SYT17: variants seen among roughly 807,000 people sequenced by gnomAD.
The protein encoded by SYT17 is synaptotagmin-17.
In SYT17, 22 loss-of-function variants were observed where a neutral mutation model predicts 46.7. That is an observed-to-expected ratio of 0.47 (90% CI 0.34 to 0.67). The LOEUF is 0.67. SYT17 is among the 30% of genes least tolerant of loss of function. The probability of loss-of-function intolerance (pLI) is 0.01; values close to 1 mark genes in which losing one functional copy is unlikely to be tolerated. For synonymous variants in SYT17, 251 were observed against 248.4 expected (o/e 1.01, Z -0.10); for missense variants, 519 against 612.8 (o/e 0.85, Z 1.62).
chr16:19,174,559 C>T (rs1427345856), intron 3 of SYT17, among the ~76,000 whole-genome samples: 2 of 152,132 alleles, frequency 1.3e-5, no homozygotes, highest in African/African-American at 4.8e-5. Context: ...ATGCCTCAGG[C>T]CTCTCATTTT....
intron 5 of SYT17, among the ~76,000 whole-genome samples, chr16:19,222,095 G>A (rs1303620961): frequency 1.3e-5 from 2 of 152,284 alleles, no homozygotes; most frequent in Admixed American, 6.5e-5. Flanking sequence ...AGTTAAAGAT[G>A]CATTCTGAAG....
chr16:19,220,303 C>CTTTCTTTTTTTTTTTTTTTTTT (rs776097400), intron 5 of SYT17, among the ~76,000 whole-genome samples: 3 of 80,498 alleles, frequency 3.7e-5, no homozygotes, highest in Non-Finnish European at 6.7e-5. Context: ...TTCTTTCTTT[C>CTTTCTTTTTTTTTTTTTTTTTT]TTTTTTTTTT....
intron 3 of SYT17, among the ~76,000 whole-genome samples, chr16:19,178,240 G>A (rs1443571241): frequency 2.2e-5 from 3 of 136,946 alleles, no homozygotes; most frequent in East Asian, 1.9e-4. Context: ...CCGCCACCAC[G>A]CCCGGCTAAT....
Position 19,183,554 on chromosome 16 carries a change from C to T in SYT17, c.358C>T (p.Pro120Ser). 6.2e-7 allele frequency: 1 copy of T among 1,614,220 alleles called. No homozygotes were observed. Among genetic ancestry groups the T allele is most frequent in the Non-Finnish European group, 8.5e-7 (1 of 1,180,044 alleles). ...SSLESRRPSS[P>S]LIDIKPIEFG... is the part of the protein sequence containing the mutation. ...TCTTGAGTCAAGACGTCCCAGCTCT[C>T]CACTCATCGATATTAAACCCATCGA... The change falls in exon 5 of 8, where the codon CCA becomes TCA. Residue 120 changes from proline to serine, a missense_variant. Physicochemically the swap from Pro to Ser is moderately conservative, Grantham distance 74. Transcript: ENST00000355377. This position sits in a 1 kb window ranked among gnomAD's most constrained non-coding sequence, Gnocchi z 5.6.
chr16:19,228,879 G>A (rs1191721802), intron 7 of SYT17, among the ~76,000 whole-genome samples: 1 of 152,208 alleles, frequency 6.6e-6, no homozygotes, highest in Non-Finnish European at 1.5e-5. Flanking sequence ...CAAAAGTAAG[G>A]TTGGTCTGCA....
At chr16:19,252,094 G>A (rs1009116838) in intron 7 of SYT17, among the ~76,000 whole-genome samples, 8 of 151,458 alleles carry the variant, frequency 5.3e-5, no homozygotes, top group African/African-American at 7.3e-5. Flanking sequence ...CCCAGGAGGC[G>A]GAAATTGCAG....
chr16:19,180,274 A>G (rs902102030), intron 3 of SYT17, 117 bp from the exon 4 acceptor site: 6 of 1,106,306 alleles, frequency 5.4e-6, no homozygotes, highest in African/African-American at 3.1e-5. Flanking sequence ...GCATTATTCC[A>G]TGTTGCATAA....
At chr16:19,175,491 C>T (rs1057497118) in intron 3 of SYT17, among the ~76,000 whole-genome samples, 1 of 151,896 alleles carries the variant, frequency 6.6e-6, no homozygotes, top group Non-Finnish European at 1.5e-5. Flanking sequence ...CCTATCTCTA[C>T]AAAAATTTAA....
At chr16:19,253,699 A>G (rs1968356624) in intron 7 of SYT17, among the ~76,000 whole-genome samples, 1 of 152,108 alleles carries the variant, frequency 6.6e-6, no homozygotes, top group Non-Finnish European at 1.5e-5. Flanking sequence ...CTGGCCCTAG[A>G]GTAACACCTC....
intron 7 of SYT17, among the ~76,000 whole-genome samples, chr16:19,253,419 T>C (rs1016630995): frequency 1.3e-5 from 2 of 152,044 alleles, no homozygotes; most frequent in Non-Finnish European, 2.9e-5. Context: ...AAATAGTTTT[T>C]AATTAGCTAA....
intron 7 of SYT17, among the ~76,000 whole-genome samples, chr16:19,235,108 C>T (rs1408245254): frequency 2.0e-5 from 3 of 152,144 alleles, no homozygotes; most frequent in African/African-American, 7.2e-5. Context: ...AAGTGAGCTG[C>T]AGAGCGAAGG....
chr16:19,242,009 A>G (rs1339037231), intron 7 of SYT17, among the ~76,000 whole-genome samples: 2 of 152,188 alleles, frequency 1.3e-5, no homozygotes, highest in Non-Finnish European at 2.9e-5. Context: ...GTGAGGCAAC[A>G]ATAGGGTGGG....
chr16:19,241,863 C>T (rs1489626640), intron 7 of SYT17, among the ~76,000 whole-genome samples: 1 of 152,192 alleles, frequency 6.6e-6, no homozygotes, highest in African/African-American at 2.4e-5. Context: ...ACGTGGGGCA[C>T]AGGGGTCCCA....
At chr16:19,205,762 G>A (rs930560573) in intron 5 of SYT17, among the ~76,000 whole-genome samples, 3 of 152,222 alleles carry the variant, frequency 2.0e-5, no homozygotes, top group East Asian at 1.9e-4. Context: ...GATTATGGGC[G>A]TGAGCCACTG....
At position 19,213,183 on chromosome 16, in the gene SYT17, G is replaced by A. The variant is rs561334347; in HGVS notation, c.952-9862G>A. Among the ~76,000 whole-genome samples the A allele has an allele frequency of 2.6e-5, 4 of 152,296 alleles. No homozygotes were observed. In the South Asian group the frequency reaches 8.3e-4, roughly 32 times the overall value. ...AAGGCAAAATTTACTTCTGTAGGAAGGTGTTTCTCACAGGTCTAGTCATCA... is the reference window on the plus strand; with the variant it reads ...AAGGCAAAATTTACTTCTGTAGGAAAGTGTTTCTCACAGGTCTAGTCATCA... On this transcript the variant is annotated intron_variant, in intron 5 of 7. Coordinates refer to ENST00000355377, the MANE Select transcript of SYT17 (RefSeq NM_016524.4).
At position 19,197,426 on chromosome 16, in the gene SYT17, T is replaced by TTTTGTTTG. The variant is rs5816035; in HGVS notation, c.951+13294_951+13301dup. Among the ~76,000 whole-genome samples, 72 of 150,404 alleles carry TTTTGTTTG rather than the reference T, an allele frequency of 4.8e-4. 2 individuals carry two copies. The Middle Eastern group carries it at 0.01, about 21-fold the overall frequency. On this transcript the variant is annotated intron_variant, in intron 5 of 7. Transcript: ENST00000355377. Reference sequence around the variant, plus strand: ...AAGAGGACAGGTTTTTTTTGTTTTGTTTTGTTTGTTTGTTTGTTTGTTATT... The same window carrying TTTTGTTTG: ...AAGAGGACAGGTTTTTTTTGTTTTGTTTTGTTTGTTTGTTTGTTTGTTTGTTTGTTATT...
chr16:19,235,945 C>A (rs1161154822), intron 7 of SYT17, among the ~76,000 whole-genome samples: 5 of 152,040 alleles, frequency 3.3e-5, no homozygotes, highest in African/African-American at 4.8e-5. Flanking sequence ...GGAGAAATAT[C>A]AAAAAGGTTT....
chr16:19,249,798 G>C, intron 7 of SYT17: 11 of 745,288 alleles, frequency 1.5e-5, no homozygotes, highest in Non-Finnish European at 2.2e-5. Flanking sequence ...GCCCTGGTTG[G>C]TGTTTCTGGC....
rs1465253607 is a variant in SYT17 at position 19,180,782 on chromosome 16, T to G, written c.331+243T>G. Among the ~76,000 whole-genome samples the G allele has an allele frequency of 3.9e-5, 6 of 152,312 alleles. 1 individual carries two copies. In the South Asian group the frequency reaches 1.2e-3, roughly 32 times the overall value. On this transcript the variant is annotated intron_variant, in intron 4 of 7. Coordinates refer to ENST00000355377, the MANE Select transcript of SYT17 (RefSeq NM_016524.4). Reference sequence around the variant, plus strand: ...ATTTTTGCTTTATTAATTTTAAGTTTGATTGAATTGGCTGAATTGATTAAC... The same window carrying G: ...ATTTTTGCTTTATTAATTTTAAGTTGGATTGAATTGGCTGAATTGATTAAC...
Sources: gnomAD v4.1 joint callset for allele counts (sites outside exome capture counted in the v4.1 genomes callset) on GRCh38, gnomAD v4.1.1 for gene constraint, Gnocchi (gnomAD v3.1) non-coding constraint, MANE v1.5 for transcripts, NCBI Gene and HGNC (gene_info 2026-07-23, HGNC 2026-07-21) for gene names.